Variants in TAF4B observed in about 807,000 individuals in gnomAD.
The protein encoded by TAF4B is transcription initiation factor TFIID subunit 4B.
In TAF4B, 38 loss-of-function variants were observed where a neutral mutation model predicts 86.4. The observed-to-expected ratio is 0.44, with a 90% CI of 0.34 to 0.58. The LOEUF (loss-of-function observed/expected upper bound fraction) is 0.58. TAF4B is among the 20% of genes least tolerant of loss of function. TAF4B has a pLI of 0.02. For synonymous variants in TAF4B, 388 were observed against 391.2 expected, an observed-to-expected ratio of 0.99 and a Z score of 0.10; for missense variants, 988 against 1,027.6, an observed-to-expected ratio of 0.96 and a Z score of 0.53.
At chr18:26,286,931 G>A (rs750001598) in intron 7 of TAF4B, among the ~76,000 whole-genome samples, 6 of 152,016 alleles carry the variant, frequency 3.9e-5, no homozygotes, top group South Asian at 2.1e-4. Flanking sequence ...TGATCCACCC[G>A]CCTTGGCCTC....
At chr18:26,255,923 A>T (rs1225116347) in intron 1 of TAF4B, 19 of 1,251,534 alleles carry the variant, frequency 1.5e-5, no homozygotes, top group Non-Finnish European at 2.2e-5. Flanking sequence ...CCATCTCTGT[A>T]TCTGAGCCGT....
At position 26,292,271 on chromosome 18, in the gene TAF4B, A is replaced by T; in HGVS notation, c.1616A>T (p.Asn539Ile). 29 of 1,613,880 alleles carry T rather than the reference A, an allele frequency of 1.8e-5. No individual in the cohort carries two copies. The highest frequency in any genetic ancestry group is 2.5e-5 in the Non-Finnish European group (29 of 1,179,888). Reference sequence around the variant, plus strand: ...GTAGTTCAGCAGCCTTCAGGAGGCAATGAAAAACAAGTGACCACAATTTCA... The same window carrying T: ...GTAGTTCAGCAGCCTTCAGGAGGCATTGAAAAACAAGTGACCACAATTTCA... Reference protein sequence around the residue: ...QLVVQQPSGGNEKQVTTISHS... With the variant: ...QLVVQQPSGGIEKQVTTISHS... Residue 539 changes from asparagine to isoleucine, a missense_variant, in exon 8 of 15, where the codon AAT becomes ATT. This residue lies in a region of TAF4B where 747 missense variants were observed against 737.9 expected (regional missense o/e 1.01). Transcript: ENST00000269142.
At chr18:26,359,016 G>C (rs1018352116) in intron 14 of TAF4B, among the ~76,000 whole-genome samples, 1 of 152,096 alleles carries the variant, frequency 6.6e-6, no homozygotes, top group Non-Finnish European at 1.5e-5. Flanking sequence ...TGCCCAACCA[G>C]ATGTAACCAC....
chr18:26,257,019 A>G (rs1220368012), intron 1 of TAF4B, among the ~76,000 whole-genome samples: 1 of 152,110 alleles, frequency 6.6e-6, no homozygotes, highest in Non-Finnish European at 1.5e-5. Flanking sequence ...GTCCTAGTAT[A>G]TGGTCTGTCT....
Position 26,319,061 on chromosome 18 carries a change from G to A in TAF4B, c.2003-2009G>A, listed in dbSNP as rs530679451. 9.5e-4 allele frequency among the ~76,000 whole-genome samples: 145 copies of A among 152,224 alleles called. 1 individual carries two copies. Among genetic ancestry groups the A allele is most frequent in the African/African-American group, 3.1e-3 (128 of 41,534 alleles). On this transcript the variant is annotated intron_variant, in intron 10 of 14. Transcript: ENST00000269142. ...TTTAAAAAAGTAGTTGGGCCTGTTG[G>A]CTCATGCCTGTACTTCTAGCTACTC...
intron 14 of TAF4B, among the ~76,000 whole-genome samples, chr18:26,378,033 A>T (rs1018076356): frequency 2.0e-5 from 3 of 152,136 alleles, no homozygotes; most frequent in Non-Finnish European, 4.4e-5. Context: ...AATGCTGCTT[A>T]TATGTGTTTT....
At chr18:26,329,131 C>T (rs986024131) in intron 12 of TAF4B, among the ~76,000 whole-genome samples, 4 of 151,974 alleles carry the variant, frequency 2.6e-5, no homozygotes, top group Admixed American at 6.6e-5. Context: ...GATCGTGGCT[C>T]ACTGCAGCCT....
At chr18:26,298,314 C>T (rs981486125) in intron 9 of TAF4B, among the ~76,000 whole-genome samples, 27 of 151,776 alleles carry the variant, frequency 1.8e-4, no homozygotes, top group Admixed American at 5.3e-4. Context: ...GTGCAAGCTC[C>T]GCCTCCTGGG....
chr18:26,313,630 A>AT (rs957500024), intron 9 of TAF4B, among the ~76,000 whole-genome samples: 11 of 147,514 alleles, frequency 7.5e-5, no homozygotes, highest in African/African-American at 2.5e-4. Context: ...ACTTCTCTTC[A>AT]TTTTTTCAAT....
At chr18:26,346,839 GTGTGTGTA>G (rs2057195086) in intron 13 of TAF4B, among the ~76,000 whole-genome samples, 12 of 10,214 alleles carry the variant, frequency 1.2e-3, no homozygotes, top group South Asian at 4.2e-3. Flanking sequence ...ATATATATGT[GTGTGTGTA>G]TATATATATA....
At chr18:26,312,744 G>A (rs969297914) in intron 9 of TAF4B, among the ~76,000 whole-genome samples, 2 of 152,148 alleles carry the variant, frequency 1.3e-5, no homozygotes, top group African/African-American at 4.8e-5. Flanking sequence ...TAGTTGACAG[G>A]CACTCAGTGT....
chr18:26,267,702 T>C (rs1439381982), intron 3 of TAF4B, 79 bp downstream of exon 3: 4 of 945,358 alleles, frequency 4.2e-6, no homozygotes, highest in East Asian at 4.8e-5. Context: ...CTGTTAGATA[T>C]GTAAGTTACT....
At chr18:26,380,339 A>G (rs2057469955) in intron 14 of TAF4B, among the ~76,000 whole-genome samples, 1 of 152,152 alleles carries the variant, frequency 6.6e-6, no homozygotes, top group South Asian at 2.1e-4. Flanking sequence ...ACAAATTTAG[A>G]TATGTTGTGT....
intron 13 of TAF4B, 128 bp downstream of exon 13, chr18:26,335,359 A>C (rs2057082587): frequency 1.3e-6 from 1 of 771,422 alleles, no homozygotes; most frequent in Non-Finnish European, 2.2e-6. Context: ...GAAGGACAGG[A>C]ACTGCTAAAG....
chr18:26,226,842 A>C lies in TAF4B; in HGVS notation c.-92A>C. 2 of 1,086,304 alleles carry C rather than the reference A, an allele frequency of 1.8e-6. No homozygotes were observed. The highest frequency in any genetic ancestry group is 2.4e-6 in the Non-Finnish European group (2 of 829,022). The allele number at this position is 1,086,304 out of a possible 1,614,324, so 67.3% of individuals were successfully genotyped here. A position where few individuals can be genotyped will look rare whatever the true frequency, so the allele number is the denominator to read the frequency against. On this transcript the variant is annotated 5_prime_UTR_variant, in exon 1 of 15. Coordinates refer to ENST00000269142, the MANE Select transcript of TAF4B (RefSeq NM_005640.3). ...CTCCCCAGCGATGCTGTGGAACCCG[A>C]ACCGCACCGGAGTCGGCTGCCGCGC...
intron 14 of TAF4B, among the ~76,000 whole-genome samples, chr18:26,383,729 T>A (rs1978305458): frequency 6.6e-6 from 1 of 152,182 alleles, no homozygotes; most frequent in Admixed American, 6.5e-5. Context: ...TTCTGTAAAG[T>A]ACTATTGAAA....
intron 1 of TAF4B, among the ~76,000 whole-genome samples, chr18:26,249,131 C>G (rs1429129623): frequency 6.7e-6 from 1 of 149,294 alleles, no homozygotes; most frequent in Non-Finnish European, 1.5e-5. Flanking sequence ...GAGATTGTGC[C>G]ACTGCACTCC....
chr18:26,231,034 C>CTTTTTTTTTTTTTTTTTTTTTT (rs536863843), intron 1 of TAF4B, among the ~76,000 whole-genome samples: 1 of 66,164 alleles, frequency 1.5e-5, no homozygotes, highest in Non-Finnish European at 2.8e-5. Flanking sequence ...TGTTGTTTTG[C>CTTTTTTTTTTTTTTTTTTTTTT]TTTTTTTTTT....
At chr18:26,285,790 G>A in intron 6 of TAF4B, 92 bp from the exon 7 acceptor site, 1 of 1,453,268 alleles carries the variant, frequency 6.9e-7, no homozygotes, top group Non-Finnish European at 9.3e-7. Context: ...CTTTTGATTG[G>A]TTTTAAGTTG....
Sources: allele counts gnomAD v4.1 joint callset (sites outside exome capture counted in the v4.1 genomes callset), GRCh38; gene constraint gnomAD v4.1.1; regional missense constraint gnomAD v4.1.1; transcripts MANE v1.5; gene names NCBI Gene and HGNC (gene_info 2026-07-23, HGNC 2026-07-21).